Variants in ESPN observed in about 807,000 individuals in gnomAD.
ESPN encodes autosomal recessive deafness type 36 protein.
In ESPN, 68 loss-of-function variants were observed where a neutral mutation model predicts 77.7. The observed-to-expected ratio is 0.87, with a 90% CI of 0.72 to 1.07. The LOEUF (loss-of-function observed/expected upper bound fraction) is 1.07. Among genes scored for constraint, ESPN ranks in the 50% least tolerant of loss-of-function variants. The probability of loss-of-function intolerance (pLI) is 0.00; values close to 1 mark genes in which losing one functional copy is unlikely to be tolerated. For synonymous variants in ESPN, 449 were observed against 567.1 expected, an observed-to-expected ratio of 0.79 and a Z score of 2.96; for missense variants, 1,060 against 1,239.0, an observed-to-expected ratio of 0.86 and a Z score of 2.17.
intron 5 of ESPN, among the ~76,000 whole-genome samples, chr1:6,441,797 A>G (rs1643645262): frequency 6.6e-6 from 1 of 152,204 alleles, no homozygotes; most frequent in African/African-American, 2.4e-5. Flanking sequence ...GGGCTGTGCA[A>G]TGAGGCCCGG....
In ESPN at chr1:6,425,165, C is replaced by T. The variant is rs1571379317; in HGVS notation, c.210C>T (p.Gly70=). ...CCGCCGCGGCCCGCGCCCGCAACGG[C>T]GCCACACCGGCCCACGACGCCTCCG... ...ALPAAARARN[G]ATPAHDASAT... Residue 70 remains glycine (G), a synonymous_variant, in exon 1 of 13, where the codon GGC becomes GGT. Transcript: ENST00000645284. 2 of 1,530,074 alleles carry T rather than the reference C, an allele frequency of 1.3e-6. No individual in the cohort carries two copies. The highest frequency in any genetic ancestry group is 8.7e-7 in the Non-Finnish European group (1 of 1,145,094). 94.8% of individuals were successfully genotyped at this position (1,530,074 alleles called of 1,614,324 possible). A position where few individuals can be genotyped will look rare whatever the true frequency, so the allele number is the denominator to read the frequency against.
intron 2 of ESPN, among the ~76,000 whole-genome samples, chr1:6,440,003 C>A (rs1643560414): frequency 7.1e-6 from 1 of 140,088 alleles, no homozygotes; most frequent in Non-Finnish European, 1.5e-5. Flanking sequence ...AGCTAGACTT[C>A]TTCTCAAAAA....
chr1:6,459,398 C>T (rs570116393), intron 12 of ESPN, among the ~76,000 whole-genome samples: 12 of 152,076 alleles, frequency 7.9e-5, no homozygotes, highest in African/African-American at 2.7e-4. Flanking sequence ...AGAGCGAGAC[C>T]CTGACTCAAA....
chr1:6,438,279 G>C (rs1322722652), intron 2 of ESPN, among the ~76,000 whole-genome samples: 1 of 152,208 alleles, frequency 6.6e-6, no homozygotes, highest in East Asian at 1.9e-4. Flanking sequence ...CCTGGTGGCT[G>C]GTCCTCCCAG....
intron 2 of ESPN, among the ~76,000 whole-genome samples, chr1:6,429,180 T>C (rs1458045078): frequency 6.6e-6 from 1 of 151,712 alleles, no homozygotes; most frequent in Non-Finnish European, 1.5e-5. Context: ...AGGGCCTGTC[T>C]GAGAGGGTAG....
chr1:6,456,342 G>C (rs1372853325), intron 10 of ESPN: 1 of 386,206 alleles, frequency 2.6e-6, no homozygotes, highest in Non-Finnish European at 4.6e-6. Flanking sequence ...GGACCAGGCT[G>C]CCTCAGCCTC....
chr1:6,455,366 G>A lies in ESPN; in HGVS notation c.2326-1818G>A, dbSNP rs578090346. 4.2e-5 allele frequency: 16 copies of A among 384,378 alleles called. No individual in the cohort carries two copies. The South Asian group carries it at 1.7e-3, about 40-fold the overall frequency. The allele number at this position is 384,378 out of a possible 1,614,324, so 23.8% of individuals were successfully genotyped here. On this transcript the variant is annotated intron_variant, in intron 10 of 12. Coordinates refer to ENST00000645284, the MANE Select transcript of ESPN (RefSeq NM_031475.3). ...CCCAGGCGCGCCTACGCGGACTGCT[G>A]CCCCGCGTGGCGGCTGCCGGTGCTG...
intron 12 of ESPN, among the ~76,000 whole-genome samples, chr1:6,458,915 AGAGT>A (rs1315642914): frequency 1.5e-4 from 22 of 142,202 alleles, no homozygotes; most frequent in African/African-American, 6.1e-4. Flanking sequence ...CCTGGGCAAC[AGAGT>A]GAGACTCCAT....
intron 2 of ESPN, among the ~76,000 whole-genome samples, chr1:6,434,300 A>G (rs191072366): frequency 5.7e-4 from 86 of 152,164 alleles, no homozygotes; most frequent in African/African-American, 1.9e-3. Flanking sequence ...GACACATTCC[A>G]TCTCTTCACT....
At position 6,440,246 on chromosome 1, in the gene ESPN, C is replaced by T. The variant is rs1352285839; in HGVS notation, c.489-8C>T. On this transcript the variant is annotated splice_region_variant and splice_polypyrimidine_tract_variant and intron_variant, in intron 2 of 12. Coordinates refer to ENST00000645284, the MANE Select transcript of ESPN (RefSeq NM_031475.3). ...TGAAAGCCCACGGTGGGCGCTGTGT[C>T]TCCGCAGGGGAGTGAATGCCCAAAC... 1 of 1,548,342 alleles carries T rather than the reference C, an allele frequency of 6.5e-7. No individual in the cohort carries two copies.
In ESPN at chr1:6,457,240, G is replaced by T. The variant is rs778414916; in HGVS notation, c.2382G>T (p.Leu794=). The T allele has an allele frequency of 1.2e-6, 2 of 1,613,792 alleles. No individual in the cohort carries two copies. The highest frequency in any genetic ancestry group is 3.3e-5 in the Admixed American group (2 of 59,998). ...ASMPAWRRDL[L]RKKLEEEREQ... ...TGCCCGCCTGGAGGCGGGACCTCCTGCGGAAGAAGCTGGAAGAAGAGAGGT... is the reference window on the plus strand; with the variant it reads ...TGCCCGCCTGGAGGCGGGACCTCCTTCGGAAGAAGCTGGAAGAAGAGAGGT... Residue 794 remains leucine (L), a synonymous_variant, in exon 11 of 13, where the codon CTG becomes CTT. Transcript: ENST00000645284.
At position 6,430,699 on chromosome 1, in the gene ESPN, AG is replaced by A. The variant is rs1257348705; in HGVS notation, c.488+2281del. The stretch of plus-strand genomic sequence containing the variant: ...GGCAGGAGAATCGCTTGAACCCGGC[AG>A]ACGGAGGTTGCGGTGAGCCAAGATT... On this transcript the variant is annotated intron_variant, in intron 2 of 12. Transcript: ENST00000645284. 3.9e-5 allele frequency among the ~76,000 whole-genome samples: 6 copies of A among 152,182 alleles called. No homozygotes were observed. The East Asian group carries it at 9.7e-4, about 24-fold the overall frequency.
chr1:6,456,793 G>T, intron 10 of ESPN: 1 of 338,728 alleles, frequency 3.0e-6, no homozygotes, highest in East Asian at 6.5e-5. Context: ...AGGGGAGCCA[G>T]GGGCAGCCTG....
chr1:6,449,265 T>G (rs189455979), intron 8 of ESPN, among the ~76,000 whole-genome samples, 174 bp downstream of exon 8: 62 of 152,378 alleles, frequency 4.1e-4, no homozygotes, highest in African/African-American at 1.0e-3. Flanking sequence ...TCTGGGTTGC[T>G]TGAGGTCCTG....
chr1:6,457,829 TAATC>T (rs1160321216), intron 12 of ESPN, among the ~76,000 whole-genome samples: 4 of 152,148 alleles, frequency 2.6e-5, no homozygotes, highest in Non-Finnish European at 2.9e-5. Context: ...TTTCAACACA[TAATC>T]AATTATGAAA....
chr1:6,448,640 G>C lies in ESPN; in HGVS notation c.1465-1G>C, dbSNP rs761315506. On this transcript the variant is annotated splice_acceptor_variant, in intron 7 of 12. Coordinates refer to ENST00000645284, the MANE Select transcript of ESPN (RefSeq NM_031475.3). LOFTEE classifies it high-confidence loss of function. ...CCCCACCGGTCACTGTCTTCCCGCA[G>C]CTGAGCTCCTGTGACGGCCACGACG... is the stretch of plus-strand genomic sequence containing the variant. 9 of 1,560,442 alleles carry C rather than the reference G, an allele frequency of 5.8e-6. No homozygotes were observed. Among genetic ancestry groups the C allele is most frequent in the Non-Finnish European group, 7.7e-6 (9 of 1,164,214 alleles).
chr1:6,455,495 G>A (rs1220083718), intron 10 of ESPN: 9 of 397,644 alleles, frequency 2.3e-5, no homozygotes, highest in Non-Finnish European at 3.5e-5. Flanking sequence ...AGCGGCAGGC[G>A]GTGGGCAAGC....
In ESPN at chr1:6,447,737, C is replaced by G. The variant is rs1278683805; in HGVS notation, c.1465-904C>G. ...AGATGCAGGAGGGGAAGGGTGGGGA[C>G]GCGACCCGGAGCCGGGGGCCAAATA... On this transcript the variant is annotated intron_variant, in intron 7 of 12. Coordinates refer to ENST00000645284, the MANE Select transcript of ESPN (RefSeq NM_031475.3). The surrounding 1 kb of genome is among the most constrained non-coding windows in gnomAD (Gnocchi z 5.2). 3.9e-5 allele frequency among the ~76,000 whole-genome samples: 6 copies of G among 152,040 alleles called. No individual in the cohort carries two copies. Among genetic ancestry groups the G allele is most frequent in the Admixed American group, 1.3e-4 (2 of 15,270 alleles).
chr1:6,453,041 C>T (rs536609402), intron 10 of ESPN, among the ~76,000 whole-genome samples: 10 of 152,252 alleles, frequency 6.6e-5, no homozygotes, highest in African/African-American at 1.9e-4. Flanking sequence ...TACAAATGCC[C>T]GCCAACAATG....
Sources: gnomAD v4.1 joint callset for allele counts (sites outside exome capture counted in the v4.1 genomes callset) on GRCh38, gnomAD v4.1.1 for gene constraint, Gnocchi (gnomAD v3.1) non-coding constraint, MANE v1.5 for transcripts, NCBI Gene and HGNC (gene_info 2026-07-23, HGNC 2026-07-21) for gene names.